Variants in ARB2A observed in about 807,000 individuals in gnomAD.
ARB2A encodes cotranscriptional regulator ARB2A.
the ARB2A span, among the ~76,000 whole-genome samples, chr5:93,794,382 TG>T: frequency 6.6e-6 from 1 of 152,146 alleles, no homozygotes; most frequent in African/African-American, 2.4e-5. Context: ...GGTGCCTCCT[TG>T]ATTAGCTTAA....
the ARB2A span, among the ~76,000 whole-genome samples, chr5:93,748,509 A>T: frequency 6.6e-6 from 1 of 152,104 alleles, no homozygotes; most frequent in Admixed American, 6.5e-5. Flanking sequence ...AAGTTTTTAA[A>T]TTCTCAAATA....
At chr5:93,866,478 T>G in the ARB2A span, among the ~76,000 whole-genome samples, 1 of 151,816 alleles carries the variant, frequency 6.6e-6, no homozygotes, top group Non-Finnish European at 1.5e-5. Flanking sequence ...ACGCAGCTGC[T>G]GAGGAAAAGG....
the ARB2A span, among the ~76,000 whole-genome samples, chr5:93,909,336 A>T: frequency 6.6e-6 from 1 of 151,026 alleles, no homozygotes; most frequent in African/African-American, 2.4e-5. Flanking sequence ...CCGCTGAATA[A>T]ATGAAATTGA....
chr5:93,709,417 G>A, the ARB2A span, among the ~76,000 whole-genome samples: 15 of 151,664 alleles, frequency 9.9e-5, no homozygotes, highest in Non-Finnish European at 1.6e-4. Context: ...GGTGGATCAC[G>A]AGGTCAGGAG....
At chr5:93,735,878 C>CA in the ARB2A span, 2 of 151,950 alleles carry the variant, frequency 1.3e-5, no homozygotes, top group Non-Finnish European at 2.9e-5. Context: ...GAGACCCAGG[C>CA]ACTAATTCAG....
At chr5:94,026,340 C>T in the ARB2A span, among the ~76,000 whole-genome samples, 3 of 151,986 alleles carry the variant, frequency 2.0e-5, no homozygotes, top group Admixed American at 6.6e-5. Context: ...TACCCACATT[C>T]GGTGGGTCTT....
the ARB2A span, among the ~76,000 whole-genome samples, chr5:93,876,669 C>A: frequency 7.9e-4 from 119 of 150,182 alleles, no homozygotes; most frequent in Non-Finnish European, 1.3e-3. Context: ...AAAAGAAAAT[C>A]CAAATACTTG....
chr5:94,026,582 C>T, the ARB2A span, among the ~76,000 whole-genome samples: 1 of 152,016 alleles, frequency 6.6e-6, no homozygotes, highest in Admixed American at 6.6e-5. Context: ...AAAAGTACCA[C>T]TCAAAGGTGG....
the ARB2A span, chr5:93,683,707 G>A: frequency 1.9e-5 from 30 of 1,610,972 alleles, no homozygotes; most frequent in South Asian, 1.3e-4. Flanking sequence ...CATGTCCATC[G>A]AATCTTCCAT....
At chr5:93,869,250 C>T in the ARB2A span, among the ~76,000 whole-genome samples, 3 of 152,136 alleles carry the variant, frequency 2.0e-5, no homozygotes, top group Non-Finnish European at 4.4e-5. Flanking sequence ...TTAAGTTGCC[C>T]TTTCTTCCCA....
At chr5:93,824,738 C>A in the ARB2A span, among the ~76,000 whole-genome samples, 2 of 152,212 alleles carry the variant, frequency 1.3e-5, no homozygotes, top group East Asian at 1.9e-4. Context: ...CCCAGAGAAA[C>A]TCCTGCAAAA....
chr5:93,800,784 T>C, the ARB2A span, among the ~76,000 whole-genome samples: 1 of 152,118 alleles, frequency 6.6e-6, no homozygotes, highest in African/African-American at 2.4e-5. Flanking sequence ...GTTTACTTAA[T>C]TATGTTGTCA....
chr5:93,843,841 A>G, the ARB2A span, among the ~76,000 whole-genome samples: 2 of 152,106 alleles, frequency 1.3e-5, no homozygotes, highest in Admixed American at 6.5e-5. Context: ...ATCATCCAAA[A>G]AGCAAAGTTG....
the ARB2A span, among the ~76,000 whole-genome samples, chr5:94,031,343 G>T: frequency 6.6e-6 from 1 of 152,142 alleles, no homozygotes; most frequent in Admixed American, 6.5e-5. Flanking sequence ...TGGAAACAAA[G>T]AATATCTTAC....
At chr5:94,019,151 A>G in the ARB2A span, among the ~76,000 whole-genome samples, 1 of 152,232 alleles carries the variant, frequency 6.6e-6, no homozygotes, top group Non-Finnish European at 1.5e-5. Context: ...ACCTTATACA[A>G]AAATTAACTC....
chr5:94,086,816 G>T, the ARB2A span, among the ~76,000 whole-genome samples: 1 of 152,178 alleles, frequency 6.6e-6, no homozygotes, highest in Non-Finnish European at 1.5e-5. Context: ...GCCTCCCAAA[G>T]TGCTGGGATT....
the ARB2A span, among the ~76,000 whole-genome samples, chr5:94,053,677 C>T: frequency 1.3e-5 from 2 of 152,144 alleles, no homozygotes; most frequent in African/African-American, 2.4e-5. Flanking sequence ...AAATAAAACA[C>T]GCTAACTAGC....
the ARB2A span, chr5:93,741,386 C>T: frequency 1.2e-6 from 2 of 1,612,836 alleles, no homozygotes; most frequent in South Asian, 1.1e-5. Context: ...ATCCTCCACA[C>T]GTCAGGGCCT....
the ARB2A span, among the ~76,000 whole-genome samples, chr5:93,709,911 T>C: frequency 2.0e-5 from 3 of 152,276 alleles, no homozygotes; most frequent in South Asian, 6.2e-4. Context: ...TATAAAACTT[T>C]TAAGAAGCAA....
Sources: gnomAD v4.1 joint callset for allele counts (sites outside exome capture counted in the v4.1 genomes callset) on GRCh38, gnomAD v4.1.1 for gene constraint, MANE v1.5 for transcripts, NCBI Gene and HGNC (gene_info 2026-07-23, HGNC 2026-07-21) for gene names.